Variants in LEKR1 observed in about 807,000 individuals in gnomAD.
LEKR1 encodes protein LEKR1.
Under a neutral mutation model 72.4 loss-of-function variants are expected in LEKR1, and 59 were observed. The ratio of observed to expected loss-of-function variants is 0.82; its 90% CI spans 0.66 to 1.01. The LOEUF is 1.01. Among genes scored for constraint, LEKR1 ranks in the 50% least tolerant of loss-of-function variants. The pLI is 0.00. For synonymous variants in LEKR1, 257 were observed against 263.2 expected (o/e 0.98, Z 0.23); for missense variants, 728 against 759.2 (o/e 0.96, Z 0.48).
chr3:156,970,252 A>T (rs897714081), intron 6 of LEKR1, among the ~76,000 whole-genome samples: 4 of 152,212 alleles, frequency 2.6e-5, no homozygotes, highest in African/African-American at 9.6e-5. Context: ...ATTCAACATA[A>T]TGATGGAAGT....
At chr3:156,908,743 G>T (rs1390371765) in intron 3 of LEKR1, among the ~76,000 whole-genome samples, 1 of 151,430 alleles carries the variant, frequency 6.6e-6, no homozygotes, top group Non-Finnish European at 1.5e-5. Context: ...CTGGGGATTG[G>T]GTATGTTCAT....
chr3:156,970,801 C>G (rs1729103331), intron 6 of LEKR1, among the ~76,000 whole-genome samples: 1 of 152,072 alleles, frequency 6.6e-6, no homozygotes, highest in African/African-American at 2.4e-5. Context: ...AGGACCTCTT[C>G]AAGGAGAATT....
intron 3 of LEKR1, among the ~76,000 whole-genome samples, chr3:156,905,653 G>A (rs889853384): frequency 6.6e-6 from 1 of 152,138 alleles, no homozygotes; most frequent in Non-Finnish European, 1.5e-5. Context: ...CAAAATAAGA[G>A]TTGTTTCTGG....
chr3:157,041,764 G>A (rs181658671), intron 12 of LEKR1, among the ~76,000 whole-genome samples: 1 of 151,950 alleles, frequency 6.6e-6, no homozygotes, highest in East Asian at 1.9e-4. Context: ...AGAATATTGT[G>A]CATGATTTTC....
At chr3:156,991,429 A>G (rs1731138489) in intron 7 of LEKR1, among the ~76,000 whole-genome samples, 1 of 152,134 alleles carries the variant, frequency 6.6e-6, no homozygotes, top group Non-Finnish European at 1.5e-5. Flanking sequence ...TTTTTACATT[A>G]TTACTAGAAA....
chr3:156,954,367 T>A (rs1056855156), intron 6 of LEKR1, among the ~76,000 whole-genome samples: 1 of 152,078 alleles, frequency 6.6e-6, no homozygotes, highest in East Asian at 1.9e-4. Flanking sequence ...TTTAATTAGA[T>A]CTCATTTGTC....
chr3:156,944,883 G>GT lies in LEKR1; in HGVS notation c.745+2170dup, dbSNP rs976547128. On this transcript the variant is annotated intron_variant, in intron 6 of 12. Transcript: ENST00000356539. ...GAATAGTGCTGCAATAAACATGGGA[G>GT]TGTAGATATCTCTTCAATATACTGA... Among the ~76,000 whole-genome samples, 176 of 151,818 alleles carry GT rather than the reference G, an allele frequency of 1.2e-3. 2 individuals carry two copies. Among genetic ancestry groups the GT allele is most frequent in the African/African-American group, 4.2e-3 (173 of 41,490 alleles).
chr3:156,867,532 C>T (rs957721016), intron 3 of LEKR1, among the ~76,000 whole-genome samples: 4 of 151,860 alleles, frequency 2.6e-5, no homozygotes, highest in African/African-American at 9.7e-5. Context: ...AATAAACTAC[C>T]CATTTGATTT....
chr3:156,920,694 G>A lies in LEKR1; in HGVS notation c.383G>A (p.Ser128Asn). Residue 128 changes from serine (S) to asparagine (N), a missense_variant and splice_region_variant, in exon 4 of 13, where the codon AGT becomes AAT. Ser to Asn is a conservative substitution (Grantham distance 46). Coordinates refer to ENST00000356539, the MANE Select transcript of LEKR1 (RefSeq NM_001004316.3). ...KIKYRQSYIF[S>N]QRLSEYKYFW... ...AAATATAGACAATCATACATCTTCA[G>A]GTAAGATTAAAGAACTGAAAATTAT... is the stretch of plus-strand genomic sequence containing the variant. 7.4e-7 allele frequency: 1 copy of A among 1,360,382 alleles called. No individual in the cohort carries two copies. Among genetic ancestry groups the A allele is most frequent in the Non-Finnish European group, 9.9e-7 (1 of 1,010,602 alleles). 84.3% of individuals were successfully genotyped at this position (1,360,382 alleles called of 1,614,324 possible). A position where few individuals can be genotyped will look rare whatever the true frequency, so the allele number is the denominator to read the frequency against.
chr3:156,849,065 G>C (rs1453367894), intron 2 of LEKR1, among the ~76,000 whole-genome samples: 2 of 151,978 alleles, frequency 1.3e-5, no homozygotes, highest in Non-Finnish European at 2.9e-5. Context: ...AAAGTCTCAG[G>C]ATACAAAATC....
intron 2 of LEKR1, among the ~76,000 whole-genome samples, chr3:156,842,908 T>C (rs1714113293): frequency 6.6e-6 from 1 of 152,152 alleles, no homozygotes; most frequent in African/African-American, 2.4e-5. Flanking sequence ...TGGCAGAAAA[T>C]GTAAAAGCGG....
chr3:156,914,886 C>A (rs890757818), intron 3 of LEKR1, among the ~76,000 whole-genome samples: 35 of 151,956 alleles, frequency 2.3e-4, no homozygotes, highest in African/African-American at 6.3e-4. Flanking sequence ...ACTTCGTCAC[C>A]CAAGTACTAG....
At chr3:156,953,134 T>A (rs1314679282) in intron 6 of LEKR1, among the ~76,000 whole-genome samples, 1 of 149,652 alleles carries the variant, frequency 6.7e-6, no homozygotes, top group Non-Finnish European at 1.5e-5. Context: ...CAGAATTAGG[T>A]GAATGAGAGA....
intron 6 of LEKR1, among the ~76,000 whole-genome samples, chr3:156,971,659 C>T (rs1224474841): frequency 5.1e-4 from 78 of 152,194 alleles, no homozygotes; most frequent in African/African-American, 1.9e-3. Context: ...AAACAAACAA[C>T]CCCATCAAAA....
intron 10 of LEKR1, among the ~76,000 whole-genome samples, chr3:157,021,819 A>G (rs1733855514): frequency 6.6e-6 from 1 of 152,118 alleles, no homozygotes; most frequent in African/African-American, 2.4e-5. Context: ...TAATGCTTAT[A>G]TTATTCACTT....
At chr3:156,840,924 T>G (rs372712470) in intron 2 of LEKR1, among the ~76,000 whole-genome samples, 5 of 152,190 alleles carry the variant, frequency 3.3e-5, no homozygotes, top group African/African-American at 1.2e-4. Context: ...GTCCCTTTCT[T>G]GTACTAGCCT....
At chr3:156,854,544 CCT>C (rs1560027325) in intron 3 of LEKR1, among the ~76,000 whole-genome samples, 5 of 144,550 alleles carry the variant, frequency 3.5e-5, no homozygotes, top group African/African-American at 5.3e-5. Flanking sequence ...TTCTTTCTTT[CCT>C]TTTTTTTTTT....
rs367715654 is a variant in LEKR1, at chr3:156,906,260, G to A, written c.264-14315G>A. The stretch of plus-strand genomic sequence containing the variant: ...AATCCACATGAAAATAATTAAGAAG[G>A]GACTATAATATCATTCTCTAATTTG... On this transcript the variant is annotated intron_variant, in intron 3 of 12. Coordinates refer to ENST00000356539, the MANE Select transcript of LEKR1 (RefSeq NM_001004316.3). 2.6e-4 allele frequency among the ~76,000 whole-genome samples: 39 copies of A among 152,138 alleles called. No individual in the cohort carries two copies. The South Asian group carries it at 7.5e-3, about 29-fold the overall frequency.
intron 3 of LEKR1, among the ~76,000 whole-genome samples, chr3:156,858,690 A>AAAAT: frequency 6.7e-6 from 1 of 150,038 alleles, no homozygotes. Context: ...AAAAAAAAAA[A>AAAAT]AATCTGTTTT....
Sources: allele counts gnomAD v4.1 joint callset (sites outside exome capture counted in the v4.1 genomes callset), GRCh38; gene constraint gnomAD v4.1.1; transcripts MANE v1.5; gene names NCBI Gene and HGNC (gene_info 2026-07-23, HGNC 2026-07-21).